INPP5A: variants seen among roughly 807,000 people sequenced by gnomAD.
INPP5A encodes the protein 43 kDa inositol polyphosphate 5-phophatase.
Under a neutral mutation model 65.2 loss-of-function variants are expected in INPP5A, and 14 were observed. The ratio of observed to expected loss-of-function variants is 0.21; its 90% CI spans 0.14 to 0.34. The LOEUF (loss-of-function observed/expected upper bound fraction) is 0.34, where lower values mean the gene tolerates loss of function less well. INPP5A is among the 10% of genes least tolerant of loss of function. The pLI, the probability that INPP5A is intolerant of heterozygous loss-of-function variation, is 1.00. For synonymous variants in INPP5A, 207 were observed against 208.3 expected (o/e 0.99, Z 0.05); for missense variants, 431 against 545.6 (o/e 0.79, Z 2.09).
chr10:132,619,975 GC>G (rs1375020843), intron 2 of INPP5A, among the ~76,000 whole-genome samples: 1 of 152,218 alleles, frequency 6.6e-6, no homozygotes, highest in Admixed American at 6.5e-5. Context: ...TGCATTCTGT[GC>G]ACCTACAGGC....
rs1483267040 is a variant in INPP5A, at chr10:132,741,408, C to T, written c.733-8109C>T. On this transcript the variant is annotated intron_variant, in intron 9 of 15. Coordinates refer to ENST00000368594, the MANE Select transcript of INPP5A (RefSeq NM_005539.5). This position sits in a 1 kb window ranked among gnomAD's most constrained non-coding sequence, Gnocchi z 4.4. ...GCTGGACAAACACTGCAGGTTCACA[C>T]CACGGGAACTTCTCGGCATCTGTGC... is the stretch of plus-strand genomic sequence containing the variant. Among the ~76,000 whole-genome samples the T allele has an allele frequency of 6.6e-6, 1 of 152,198 alleles. No individual in the cohort carries two copies. Among genetic ancestry groups the T allele is most frequent in the Non-Finnish European group, 1.5e-5 (1 of 68,036 alleles).
At chr10:132,701,043 T>G (rs1440662550) in intron 6 of INPP5A, among the ~76,000 whole-genome samples, 3 of 152,240 alleles carry the variant, frequency 2.0e-5, no homozygotes, top group African/African-American at 7.2e-5. Context: ...TCATGAAGGA[T>G]GAATTAATTC....
intron 12 of INPP5A, among the ~76,000 whole-genome samples, chr10:132,766,348 C>G (rs1205300689): frequency 6.6e-6 from 1 of 152,226 alleles, no homozygotes; most frequent in Non-Finnish European, 1.5e-5. Context: ...TCTTATCAGA[C>G]TTGCTCACGA....
At chr10:132,747,515 A>G (rs1256987099) in intron 9 of INPP5A, among the ~76,000 whole-genome samples, 1 of 152,216 alleles carries the variant, frequency 6.6e-6, no homozygotes, top group Non-Finnish European at 1.5e-5. Context: ...AGGGCTCCAG[A>G]GTTCCTCTCA....
At chr10:132,752,632 G>A (rs985900742) in intron 11 of INPP5A, among the ~76,000 whole-genome samples, 1 of 111,376 alleles carries the variant, frequency 9.0e-6, no homozygotes, top group African/African-American at 3.4e-5. Flanking sequence ...CATGGAGTGG[G>A]GTGTGGCATG....
At chr10:132,757,650 C>T (rs1243053793) in intron 11 of INPP5A, among the ~76,000 whole-genome samples, 2 of 152,242 alleles carry the variant, frequency 1.3e-5, no homozygotes, top group African/African-American at 4.8e-5. Context: ...GGAAGGATGA[C>T]TTGGTGGCTA....
intron 1 of INPP5A, among the ~76,000 whole-genome samples, chr10:132,605,823 C>T (rs2071842049): frequency 6.6e-6 from 1 of 152,036 alleles, no homozygotes; most frequent in South Asian, 2.1e-4. Context: ...AGTGTTTTTG[C>T]TCTCATCTTT....
intron 3 of INPP5A, among the ~76,000 whole-genome samples, chr10:132,649,124 G>T (rs2072537950): frequency 6.6e-6 from 1 of 152,120 alleles, no homozygotes; most frequent in Non-Finnish European, 1.5e-5. Context: ...TTTTTAAGTG[G>T]CTGGGCTCTT....
chr10:132,671,291 A>G (rs2072886530), intron 4 of INPP5A, among the ~76,000 whole-genome samples: 1 of 151,216 alleles, frequency 6.6e-6, no homozygotes, highest in African/African-American at 2.4e-5. Context: ...AGGAGTGGAG[A>G]GTTCAAACGT....
At chr10:132,571,963 G>C (rs576491533) in intron 1 of INPP5A, among the ~76,000 whole-genome samples, 1 of 152,354 alleles carries the variant, frequency 6.6e-6, no homozygotes, top group East Asian at 1.9e-4. Flanking sequence ...GTCCCCCACT[G>C]CTGTGCCCCT....
chr10:132,562,297 C>T (rs1019028089), intron 1 of INPP5A, among the ~76,000 whole-genome samples: 4 of 152,384 alleles, frequency 2.6e-5, no homozygotes, highest in Admixed American at 2.6e-4. Context: ...GAGGCACCTT[C>T]TGCGTGGCCC....
chr10:132,574,738 T>TG lies in INPP5A; in HGVS notation c.76-33175dup, dbSNP rs200656057. Among the ~76,000 whole-genome samples the TG allele has an allele frequency of 7.8e-3, 1,175 of 151,406 alleles. 18 individuals are homozygous for TG. Among genetic ancestry groups the TG allele is most frequent in the African/African-American group, 0.027 (1,100 of 41,086 alleles). On this transcript the variant is annotated intron_variant, in intron 1 of 15. Transcript: ENST00000368594. ...CAGAGTCTCGCTCTGTTGCCCAGGC[T>TG]GGAGTGCAGTCGTGGGATCTTGGCT...
At position 132,783,170 on chromosome 10, in the gene INPP5A, T is replaced by C. The variant is rs1847197824; in HGVS notation, c.*1141T>C. ...AGTAAGTACAGCATTAGAAGGTGAT[T>C]AGAGAGTCTGTTGATGAAACACAAA... On this transcript the variant is annotated 3_prime_UTR_variant, in exon 16 of 16. Coordinates refer to ENST00000368594, the MANE Select transcript of INPP5A (RefSeq NM_005539.5). 1 of 152,450 alleles carries C rather than the reference T, an allele frequency of 6.6e-6. No homozygotes were observed. 9.4% of individuals were successfully genotyped at this position (152,450 alleles called of 1,614,324 possible). A position where few individuals can be genotyped will look rare whatever the true frequency, so the allele number is the denominator to read the frequency against.
chr10:132,756,351 TGTGTGTACAC>T (rs1337040627), intron 11 of INPP5A, among the ~76,000 whole-genome samples: 1 of 151,130 alleles, frequency 6.6e-6, no homozygotes, highest in Non-Finnish European at 1.5e-5. Flanking sequence ...TGTATGCATG[TGTGTGTACAC>T]GTGTGCACTC....
At chr10:132,594,503 T>C (rs528659345) in intron 1 of INPP5A, among the ~76,000 whole-genome samples, 1 of 152,140 alleles carries the variant, frequency 6.6e-6, no homozygotes, top group Non-Finnish European at 1.5e-5. Flanking sequence ...GTGGTGAGTG[T>C]GTGGGGTGCG....
At chr10:132,715,745 G>A (rs1490275739) in intron 8 of INPP5A, among the ~76,000 whole-genome samples, 1 of 152,256 alleles carries the variant, frequency 6.6e-6, no homozygotes, top group Admixed American at 6.5e-5. Flanking sequence ...CACAGGGCTG[G>A]TTCTCGCGCT....
intron 11 of INPP5A, among the ~76,000 whole-genome samples, chr10:132,760,705 C>T (rs757935090): frequency 1.2e-4 from 19 of 152,154 alleles, no homozygotes; most frequent in African/African-American, 3.4e-4. Context: ...TTCCTCATGA[C>T]GCCCGGGCCC....
At chr10:132,569,274 T>C (rs1384284917) in intron 1 of INPP5A, among the ~76,000 whole-genome samples, 1 of 152,242 alleles carries the variant, frequency 6.6e-6, no homozygotes, top group Non-Finnish European at 1.5e-5. Context: ...AAAAATTTTA[T>C]CTCACATGGT....
At chr10:132,755,989 A>C (rs534895282) in intron 11 of INPP5A, among the ~76,000 whole-genome samples, 1 of 152,254 alleles carries the variant, frequency 6.6e-6, no homozygotes, top group South Asian at 2.1e-4. Context: ...GCACACACCA[A>C]ACAGTGTGGA....
Sources: allele counts gnomAD v4.1 joint callset (sites outside exome capture counted in the v4.1 genomes callset), GRCh38; gene constraint gnomAD v4.1.1; non-coding constraint Gnocchi (gnomAD v3.1); transcripts MANE v1.5; gene names NCBI Gene and HGNC (gene_info 2026-07-23, HGNC 2026-07-21).